FGF13: variants seen among roughly 807,000 people sequenced by gnomAD.
FGF13 encodes fibroblast growth factor 13.
A neutral mutation model predicts 19.5 loss-of-function variants in FGF13; 2 were observed. That is an observed-to-expected ratio of 0.10 (90% CI 0.04 to 0.32). The LOEUF (loss-of-function observed/expected upper bound fraction) is 0.32, where lower values mean the gene tolerates loss of function less well. FGF13 is among the 10% of genes least tolerant of loss of function. The probability of loss-of-function intolerance (pLI) is 1.00; values close to 1 mark genes in which losing one functional copy is unlikely to be tolerated. For synonymous variants in FGF13, 72 were observed against 76.9 expected, an observed-to-expected ratio of 0.94 and a Z score of 0.33; for missense variants, 113 against 192.7, an observed-to-expected ratio of 0.59 and a Z score of 2.45.
intron 1 of FGF13, among the ~76,000 whole-genome samples, chrX:139,180,895 T>C (rs1218274276): frequency 8.9e-6 from 1 of 112,340 alleles, no homozygotes; most frequent in Non-Finnish European, 1.9e-5. Context: ...TGCTGCACTA[T>C]TCCTACGTGC....
At chrX:139,077,322 A>AGTTTCTAAG (rs2083339172) in intron 1 of FGF13, among the ~76,000 whole-genome samples, 1 of 112,422 alleles carries the variant, frequency 8.9e-6, no homozygotes, top group African/African-American at 3.2e-5. Context: ...GTTATTGATT[A>AGTTTCTAAG]GTTTCTAAGA....
At chrX:139,023,744 C>A (rs1487505984) in intron 1 of FGF13, among the ~76,000 whole-genome samples, 1 of 110,895 alleles carries the variant, frequency 9.0e-6, no homozygotes, top group Non-Finnish European at 1.9e-5. Context: ...TCATCATGTT[C>A]ATAAGACAAT....
chrX:138,711,813 AC>A, upstream of FGF13: 3 of 173,247 alleles, frequency 1.7e-5, no homozygotes, highest in Non-Finnish European at 2.0e-5. Context: ...CCCCACCCCC[AC>A]CCCCACCCCC....
intron 1 of FGF13, chrX:138,984,924 C>T: frequency 7.0e-6 from 2 of 285,088 alleles, no homozygotes; most frequent in Non-Finnish European, 1.4e-5. Flanking sequence ...GGGGATGTTC[C>T]CCAGTCACAA....
At chrX:138,654,973 C>A (rs916508863) in intron 3 of FGF13, among the ~76,000 whole-genome samples, 3 of 111,428 alleles carry the variant, frequency 2.7e-5, no homozygotes, top group African/African-American at 9.8e-5. Context: ...CTTTTCCACT[C>A]CTCTGCTCTT....
chrX:139,068,797 T>G (rs1204382530), intron 1 of FGF13, among the ~76,000 whole-genome samples: 2 of 111,433 alleles, frequency 1.8e-5, no homozygotes, highest in Non-Finnish European at 3.8e-5. Flanking sequence ...TGTCTGTTGT[T>G]GGTGTATAAG....
chrX:138,893,152 G>A (rs56111210), intron 1 of FGF13, among the ~76,000 whole-genome samples: 2,351 of 111,606 alleles, frequency 0.021, 29 homozygotes, highest in Non-Finnish European at 0.032. Context: ...GGACCTCGGA[G>A]GTAACTGAGA....
At chrX:139,018,841 C>A (rs751140014) in intron 1 of FGF13, among the ~76,000 whole-genome samples, 10 of 110,392 alleles carry the variant, frequency 9.1e-5, no homozygotes, top group Non-Finnish European at 1.3e-4. Context: ...ATATAACTCA[C>A]CCTTTAAAGC....
chrX:138,781,740 G>C (rs1268493355), intron 3 of FGF13, among the ~76,000 whole-genome samples: 212 of 111,743 alleles, frequency 1.9e-3, no homozygotes, highest in African/African-American at 6.3e-3. Flanking sequence ...CAAGGAGGAA[G>C]TGGTACCATT....
chrX:139,054,117 C>CTT (rs58544411), intron 1 of FGF13, among the ~76,000 whole-genome samples: 421 of 33,958 alleles, frequency 0.012, 12 homozygotes, highest in African/African-American at 0.029. Context: ...GTCTACGTGC[C>CTT]TTTTTTTTTT....
intron 3 of FGF13, among the ~76,000 whole-genome samples, chrX:138,794,956 C>T (rs2090768115): frequency 8.9e-6 from 1 of 112,036 alleles, no homozygotes; most frequent in Admixed American, 9.5e-5. Flanking sequence ...TATAGTTTCT[C>T]CATGAAAGTA....
chrX:138,798,197 T>C (rs1397576068), intron 3 of FGF13, among the ~76,000 whole-genome samples: 1 of 111,793 alleles, frequency 8.9e-6, no homozygotes, highest in Non-Finnish European at 1.9e-5. Flanking sequence ...TGGCTAGGGG[T>C]TTGTCATAAA....
intron 1 of FGF13, among the ~76,000 whole-genome samples, chrX:139,129,363 A>G (rs2083744478): frequency 9.0e-6 from 1 of 111,183 alleles, no homozygotes; most frequent in South Asian, 3.8e-4. Context: ...TGATTCTGAT[A>G]ACCAGCCCAG....
chrX:138,768,738 G>GATATATATATAT lies in FGF13; in HGVS notation c.218-59822_218-59811dup, dbSNP rs1207173971. Among the ~76,000 whole-genome samples the GATATATATATAT allele has an allele frequency of 7.6e-4, 72 of 94,751 alleles. 1 individual carries two copies. The highest frequency in any genetic ancestry group is 3.0e-3 in the African/African-American group (70 of 23,707). The allele number at this position is 94,751 out of a possible 115,157, so 82.3% of individuals were successfully genotyped here. ...ATATAAGTATATATTATATATATATGATATATATATATATATAATTTCACA... is the reference window on the plus strand; with the variant it reads ...ATATAAGTATATATTATATATATATGATATATATATATATATATATATATATATAATTTCACA... On this transcript the variant is annotated intron_variant, in intron 3 of 6. Coordinates refer to the FGF13 transcript ENST00000436198.
At chrX:138,972,848 A>G (rs189533075) in intron 1 of FGF13, among the ~76,000 whole-genome samples, 3 of 110,898 alleles carry the variant, frequency 2.7e-5, no homozygotes, top group African/African-American at 9.8e-5. Flanking sequence ...CACTTTTTAA[A>G]TCAAGTTTTA....
intron 1 of FGF13, among the ~76,000 whole-genome samples, chrX:138,977,125 C>T (rs1260689382): frequency 9.0e-6 from 1 of 111,368 alleles, no homozygotes; most frequent in Non-Finnish European, 1.9e-5. Context: ...TTTGGAAGGT[C>T]CAGAAACTTT....
intron 1 of FGF13, among the ~76,000 whole-genome samples, chrX:139,094,306 A>C (rs1331376776): frequency 8.9e-6 from 1 of 112,155 alleles, no homozygotes; most frequent in African/African-American, 3.2e-5. Context: ...AGTGAAGAAA[A>C]CTATACAAAC....
chrX:138,937,404 C>T (rs2091736908), intron 1 of FGF13, among the ~76,000 whole-genome samples: 1 of 112,040 alleles, frequency 8.9e-6, no homozygotes, highest in African/African-American at 3.2e-5. Flanking sequence ...CTCTATATGA[C>T]ACTTCCTGCT....
chrX:138,798,673 C>T (rs1409753216), intron 3 of FGF13, among the ~76,000 whole-genome samples: 2 of 111,582 alleles, frequency 1.8e-5, no homozygotes, highest in African/African-American at 6.5e-5. Context: ...TGGTAAAATT[C>T]GTCTCTGAAT....
Sources: gnomAD v4.1 joint callset for allele counts (sites outside exome capture counted in the v4.1 genomes callset) on GRCh38, gnomAD v4.1.1 for gene constraint, MANE v1.5 for transcripts, NCBI Gene and HGNC (gene_info 2026-07-23, HGNC 2026-07-21) for gene names.